HS6ST3: variants seen among roughly 807,000 people sequenced by gnomAD.
HS6ST3 encodes heparan sulfate 6-O-sulfotransferase 3, also known as heparan-sulfate 6-O-sulfotransferase 3.
A neutral mutation model predicts 36.7 loss-of-function variants in HS6ST3; 12 were observed. The observed-to-expected ratio is 0.33, with a 90% confidence interval of 0.21 to 0.53. HS6ST3 has a LOEUF of 0.53. HS6ST3 is among the 20% of genes least tolerant of loss of function. The probability of loss-of-function intolerance (pLI) is 0.95; values close to 1 mark genes in which losing one functional copy is unlikely to be tolerated. For missense variants in HS6ST3, 584 were observed against 640.9 expected, an observed-to-expected ratio of 0.91 and a Z score of 0.96; for synonymous variants, 240 against 257.5, an observed-to-expected ratio of 0.93 and a Z score of 0.65.
chr13:96,576,597 T>C (rs1292641181), intron 1 of HS6ST3, among the ~76,000 whole-genome samples: 2 of 152,194 alleles, frequency 1.3e-5, no homozygotes, highest in Non-Finnish European at 2.9e-5. Flanking sequence ...TTAGTGATAT[T>C]GGCCACGCAA....
chr13:96,216,393 T>G (rs2054425845), intron 1 of HS6ST3, among the ~76,000 whole-genome samples: 2 of 152,242 alleles, frequency 1.3e-5, no homozygotes. Flanking sequence ...TGTTGACTAC[T>G]AAAAGTTTCT....
chr13:96,542,084 C>G (rs2056180737), intron 1 of HS6ST3, among the ~76,000 whole-genome samples: 1 of 152,142 alleles, frequency 6.6e-6, no homozygotes, highest in Admixed American at 6.5e-5. Context: ...ATTCAAAAAT[C>G]CCTAGGGGCA....
intron 1 of HS6ST3, among the ~76,000 whole-genome samples, chr13:96,170,877 G>C (rs2054184194): frequency 6.6e-6 from 1 of 152,200 alleles, no homozygotes; most frequent in African/African-American, 2.4e-5. Flanking sequence ...TGAATTTCTG[G>C]AAGTAGGAAT....
At chr13:96,469,974 A>G (rs1048205805) in intron 1 of HS6ST3, among the ~76,000 whole-genome samples, 3 of 152,198 alleles carry the variant, frequency 2.0e-5, no homozygotes, top group African/African-American at 7.2e-5. Context: ...GTCTTTATCA[A>G]ATATTGCTAC....
intron 1 of HS6ST3, among the ~76,000 whole-genome samples, chr13:96,621,061 G>A (rs1312008165): frequency 6.6e-6 from 1 of 152,202 alleles, no homozygotes; most frequent in African/African-American, 2.4e-5. Flanking sequence ...GGAGCCGCAA[G>A]GGCTGCCTGC....
At chr13:96,452,885 A>C (rs990419910) in intron 1 of HS6ST3, among the ~76,000 whole-genome samples, 1 of 152,162 alleles carries the variant, frequency 6.6e-6, no homozygotes, top group Non-Finnish European at 1.5e-5. Context: ...TTGCATGATG[A>C]AATTTTACCG....
chr13:96,442,901 G>A (rs190951830), intron 1 of HS6ST3, among the ~76,000 whole-genome samples: 14 of 151,976 alleles, frequency 9.2e-5, no homozygotes, highest in African/African-American at 2.7e-4. Context: ...CTTGGTCCGC[G>A]CATGAATATC....
intron 1 of HS6ST3, among the ~76,000 whole-genome samples, chr13:96,432,184 G>A (rs1284171887): frequency 6.6e-6 from 1 of 152,120 alleles, no homozygotes; most frequent in Admixed American, 6.5e-5. Context: ...GACCAGCTAA[G>A]GTGCTCTCTT....
intron 1 of HS6ST3, among the ~76,000 whole-genome samples, chr13:96,526,212 A>G (rs1048388298): frequency 1.3e-5 from 2 of 152,186 alleles, no homozygotes; most frequent in African/African-American, 2.4e-5. Flanking sequence ...GTAAAGATCC[A>G]GGGGGGACAC....
At chr13:96,311,067 G>A (rs1362592152) in intron 1 of HS6ST3, among the ~76,000 whole-genome samples, 1 of 152,080 alleles carries the variant, frequency 6.6e-6, no homozygotes, top group African/African-American at 2.4e-5. Context: ...GAGCAAATAA[G>A]CAAAAAGTAC....
intron 1 of HS6ST3, among the ~76,000 whole-genome samples, chr13:96,774,039 G>A (rs975409849): frequency 3.9e-5 from 6 of 152,268 alleles, no homozygotes; most frequent in African/African-American, 1.2e-4. Flanking sequence ...GGCAAACAAG[G>A]TCTGGAGTGG....
At chr13:96,723,742 A>G (rs576050232) in intron 1 of HS6ST3, among the ~76,000 whole-genome samples, 27 of 152,202 alleles carry the variant, frequency 1.8e-4, no homozygotes, top group African/African-American at 6.0e-4. Context: ...ACCCTTCAAC[A>G]TGATTTTGGT....
rs567624203 is a variant in HS6ST3, at chr13:96,520,029, G to A, written c.708-312461G>A. 1.6e-4 allele frequency among the ~76,000 whole-genome samples: 25 copies of A among 152,144 alleles called. 1 individual carries two copies. In the South Asian group the frequency reaches 4.4e-3, roughly 26 times the overall value. ...TTGGTTACCTTTTGACAAACTATTT[G>A]AACCTCTGTTCCTTGTTCCATCAAG... On this transcript the variant is annotated intron_variant, in intron 1 of 1. Coordinates refer to ENST00000376705, the MANE Select transcript of HS6ST3 (RefSeq NM_153456.4).
chr13:96,193,081 C>G (rs955309171), intron 1 of HS6ST3, among the ~76,000 whole-genome samples: 5 of 152,130 alleles, frequency 3.3e-5, no homozygotes, highest in African/African-American at 1.2e-4. Context: ...CTAGCACTTC[C>G]TCTCATCCTT....
chr13:96,726,836 C>A (rs1876017102), intron 1 of HS6ST3, among the ~76,000 whole-genome samples: 1 of 151,978 alleles, frequency 6.6e-6, no homozygotes, highest in African/African-American at 2.4e-5. Context: ...AGTGAGAAAT[C>A]TGCTGTTATC....
At chr13:96,468,471 C>CAT (rs1416047203) in intron 1 of HS6ST3, among the ~76,000 whole-genome samples, 39 of 44,760 alleles carry the variant, frequency 8.7e-4, no homozygotes, top group African/African-American at 2.3e-3. Flanking sequence ...ACAGGACATA[C>CAT]ACACATACAC....
intron 1 of HS6ST3, among the ~76,000 whole-genome samples, chr13:96,496,595 A>T (rs2055978206): frequency 6.6e-6 from 1 of 152,148 alleles, no homozygotes; most frequent in Admixed American, 6.5e-5. Flanking sequence ...CTTTCTACAC[A>T]ACTTTTCCAA....
At chr13:96,796,448 T>A (rs1327495379) in intron 1 of HS6ST3, among the ~76,000 whole-genome samples, 1 of 152,064 alleles carries the variant, frequency 6.6e-6, no homozygotes, top group East Asian at 1.9e-4. Flanking sequence ...AGACTAGTGG[T>A]AGGAGGAAGC....
intron 1 of HS6ST3, among the ~76,000 whole-genome samples, chr13:96,172,616 C>T (rs2054193697): frequency 6.6e-6 from 1 of 152,034 alleles, no homozygotes; most frequent in African/African-American, 2.4e-5. Flanking sequence ...TTTACAATTG[C>T]TATTATAAGT....
Sources: gnomAD v4.1 joint callset for allele counts (sites outside exome capture counted in the v4.1 genomes callset) on GRCh38, gnomAD v4.1.1 for gene constraint, MANE v1.5 for transcripts, NCBI Gene and HGNC (gene_info 2026-07-23, HGNC 2026-07-21) for gene names.